The following ANXA10 variants were observed in gnomAD, a reference collection of about 807,000 sequenced individuals.
ANXA10 encodes the protein annexin A10.
ANXA10 carries 49 observed loss-of-function variants against 53.5 expected under a neutral mutation model. The ratio of observed to expected loss-of-function variants is 0.92; its 90% CI spans 0.73 to 1.16. The LOEUF is 1.16. Ranked by LOEUF, ANXA10 falls within the 50% of genes most tolerant of loss-of-function variation. The pLI is 0.00. For missense variants in ANXA10, 393 were observed against 394.4 expected (o/e 1.00, Z 0.03); for synonymous variants, 131 against 128.9 (o/e 1.02, Z -0.11).
At chr4:168,120,235 G>A (rs1051590345) in intron 1 of ANXA10, among the ~76,000 whole-genome samples, 11 of 152,038 alleles carry the variant, frequency 7.2e-5, no homozygotes, top group Non-Finnish European at 8.8e-5. Context: ...AGGAAGCCTC[G>A]AACCTAGAAA....
At chr4:168,113,010 G>T (rs2149466648) in intron 1 of ANXA10, among the ~76,000 whole-genome samples, 1 of 151,704 alleles carries the variant, frequency 6.6e-6, no homozygotes, top group Admixed American at 6.6e-5. Flanking sequence ...GTGACAGAGG[G>T]AGACTCCATC....
chr4:168,166,340 G>A (rs975280696), intron 6 of ANXA10, among the ~76,000 whole-genome samples: 1 of 152,122 alleles, frequency 6.6e-6, no homozygotes, highest in East Asian at 1.9e-4. Flanking sequence ...TATCATTTAT[G>A]TTTCTGTACT....
Position 168,155,730 on chromosome 4 carries a change from T to C in ANXA10, c.196-6798T>C, listed in dbSNP as rs185415183. 9.4e-3 allele frequency among the ~76,000 whole-genome samples: 600 copies of C among 63,498 alleles called. 105 individuals are homozygous for C. In the East Asian group the frequency reaches 0.11, roughly 12 times the overall value. 41.7% of individuals were successfully genotyped at this position (63,498 alleles called of 152,430 possible). On this transcript the variant is annotated intron_variant, in intron 3 of 11. Coordinates refer to ENST00000359299, the MANE Select transcript of ANXA10 (RefSeq NM_007193.5). ...ATATATAATATTATATAATATAATA[T>C]ATGATATATCATATATTATATATTA...
At chr4:168,183,119 C>G (rs1732293282) in intron 10 of ANXA10, among the ~76,000 whole-genome samples, 1 of 151,608 alleles carries the variant, frequency 6.6e-6, no homozygotes, top group African/African-American at 2.4e-5. Flanking sequence ...AAAAATAATC[C>G]AATAATACAG....
Position 168,187,285 on chromosome 4 carries a change from A to G in ANXA10, c.907-81A>G, listed in dbSNP as rs977339954. ...GGCTAATGGTCCATGGCTCTTTCAT[A>G]GTGCAGTCCAGAGGAATTATGCTTC... On this transcript the variant is annotated intron_variant, in intron 11 of 11. Coordinates refer to ENST00000359299, the MANE Select transcript of ANXA10 (RefSeq NM_007193.5). 3.5e-6 allele frequency: 3 copies of G among 853,882 alleles called. No homozygotes were observed. In the African/African-American group the frequency reaches 5.2e-5, roughly 15 times the overall value. The allele number at this position is 853,882 out of a possible 1,614,324, so 52.9% of individuals were successfully genotyped here. A position where few individuals can be genotyped will look rare whatever the true frequency, so the allele number is the denominator to read the frequency against.
Position 168,139,562 on chromosome 4 carries a change from C to G in ANXA10, c.177C>G (p.Tyr59Ter). The change falls in exon 3 of 12, where the codon TAC (tyrosine) becomes TAG (stop). Residue 59 changes from tyrosine to a stop codon, truncating the protein, a stop_gained. Transcript: ENST00000359299. LOFTEE classifies it high-confidence loss of function. Reference protein sequence around the residue: ...NAQRMMIAEAYQSMYGRDLIG... With the variant: ...NAQRMMIAEA ...AAAGGATGATGATTGCAGAGGCATA[C>G]CAGAGCATGTATGGCCGGGTAAGGC... 1 of 1,611,334 alleles carries G rather than the reference C, an allele frequency of 6.2e-7. No individual in the cohort carries two copies. Among genetic ancestry groups the G allele is most frequent in the South Asian group, 1.1e-5 (1 of 90,848 alleles).
chr4:168,101,583 A>G (rs1730640387), intron 1 of ANXA10, among the ~76,000 whole-genome samples: 1 of 151,772 alleles, frequency 6.6e-6, no homozygotes, highest in Non-Finnish European at 1.5e-5. Flanking sequence ...TTCTTATTCC[A>G]GCCCTAGAAT....
rs560078186 is a variant in ANXA10, at chr4:168,110,120, A to G, written c.18+17402A>G. Among the ~76,000 whole-genome samples the G allele has an allele frequency of 1.5e-4, 23 of 152,324 alleles. No homozygotes were observed. The South Asian group carries it at 4.8e-3, about 32-fold the overall frequency. ...CAGCTACTCAAGAGGCTGAGGCAGG[A>G]GAATGGCATGAACCCGGAAGTTGGA... On this transcript the variant is annotated intron_variant, in intron 1 of 11. Coordinates refer to ENST00000359299, the MANE Select transcript of ANXA10 (RefSeq NM_007193.5).
Position 168,139,477 on chromosome 4 carries a change from C to G in ANXA10, c.101-9C>G. On this transcript the variant is annotated splice_polypyrimidine_tract_variant and intron_variant, in intron 2 of 11. Transcript: ENST00000359299. ...ACTTTACTAATCTTCAAATATTATTCTTTTCCAGACTGTGACAAAGACATG... is the reference window on the plus strand; with the variant it reads ...ACTTTACTAATCTTCAAATATTATTGTTTTCCAGACTGTGACAAAGACATG... 1 of 1,608,580 alleles carries G rather than the reference C, an allele frequency of 6.2e-7. No individual in the cohort carries two copies. Among genetic ancestry groups the G allele is most frequent in the Non-Finnish European group, 8.5e-7 (1 of 1,175,984 alleles).
chr4:168,181,333 G>A (rs1251634175), intron 9 of ANXA10, among the ~76,000 whole-genome samples: 1 of 149,320 alleles, frequency 6.7e-6, no homozygotes, highest in African/African-American at 2.5e-5. Flanking sequence ...GGAGCTTGCA[G>A]TGAGCCGAGA....
intron 1 of ANXA10, among the ~76,000 whole-genome samples, chr4:168,112,474 ATATT>A (rs1303813731): frequency 6.6e-6 from 1 of 152,232 alleles, no homozygotes; most frequent in East Asian, 1.9e-4. Context: ...TGCTATTAAA[ATATT>A]TAACGATAAT....
chr4:168,153,051 C>T (rs1731524832), intron 3 of ANXA10, among the ~76,000 whole-genome samples: 1 of 151,920 alleles, frequency 6.6e-6, no homozygotes, highest in African/African-American at 2.4e-5. Context: ...GCCATCCTGC[C>T]CAGTCTAGTC....
chr4:168,159,906 G>A (rs1245286651), intron 3 of ANXA10, among the ~76,000 whole-genome samples: 2 of 152,146 alleles, frequency 1.3e-5, no homozygotes, highest in African/African-American at 4.8e-5. Flanking sequence ...TTGAATTCCA[G>A]TATTGAACCA....
intron 2 of ANXA10, 41 bp from the exon 3 acceptor site, chr4:168,139,445 A>G: frequency 6.4e-7 from 1 of 1,555,974 alleles, no homozygotes; most frequent in Non-Finnish European, 8.8e-7. Context: ...CCAACTACAA[A>G]GTAGCAACTT....
At chr4:168,141,530 T>C (rs1731325168) in intron 3 of ANXA10, among the ~76,000 whole-genome samples, 1 of 152,212 alleles carries the variant, frequency 6.6e-6, no homozygotes, top group African/African-American at 2.4e-5. Context: ...GTTTATCTTG[T>C]TTCTCCCTAC....
rs1435193001 is a variant in ANXA10, at chr4:168,162,011, T to G, written c.196-517T>G. On this transcript the variant is annotated intron_variant, in intron 3 of 11. Transcript: ENST00000359299. ...CTCTTTAAGTGTTTGACTTTCAATA[T>G]TTAAAATAATATTGCTTGTTATTTG... 1.3e-5 allele frequency among the ~76,000 whole-genome samples: 2 copies of G among 152,204 alleles called. 1 individual carries two copies. The highest frequency in any genetic ancestry group is 4.8e-5 in the African/African-American group (2 of 41,458).
At chr4:168,138,034 A>T (rs1578910221) in intron 2 of ANXA10, among the ~76,000 whole-genome samples, 2 of 148,162 alleles carry the variant, frequency 1.3e-5, no homozygotes, top group Middle Eastern at 7.1e-3. Context: ...TGATCTCGGC[A>T]CACTGCAACT....
At chr4:168,176,535 C>A (rs1390408140) in intron 6 of ANXA10, among the ~76,000 whole-genome samples, 1 of 152,148 alleles carries the variant, frequency 6.6e-6, no homozygotes, top group Non-Finnish European at 1.5e-5. Flanking sequence ...AGCTTCCCCA[C>A]AGGTTCTCAG....
intron 2 of ANXA10, among the ~76,000 whole-genome samples, chr4:168,138,291 G>A (rs1731272982): frequency 6.6e-6 from 1 of 152,042 alleles, no homozygotes; most frequent in Non-Finnish European, 1.5e-5. Flanking sequence ...CATTCTGACT[G>A]ACGTAAGATG....
Sources: gnomAD v4.1 joint callset for allele counts (sites outside exome capture counted in the v4.1 genomes callset) on GRCh38, gnomAD v4.1.1 for gene constraint, MANE v1.5 for transcripts, NCBI Gene and HGNC (gene_info 2026-07-23, HGNC 2026-07-21) for gene names.